SDK1: variants seen among roughly 807,000 people sequenced by gnomAD.
The protein encoded by SDK1 is sidekick cell adhesion molecule 1.
SDK1 carries 157 observed loss-of-function variants against 245.5 expected under a neutral mutation model. The ratio of observed to expected loss-of-function variants is 0.64; its 90% CI spans 0.56 to 0.73. The LOEUF (loss-of-function observed/expected upper bound fraction) is 0.73, where lower values mean the gene tolerates loss of function less well. Ranked by LOEUF, SDK1 falls within the 30% of genes least tolerant of loss-of-function variation. SDK1 has a pLI of 0.00. For missense variants in SDK1, 3,583 were observed against 3,002.3 expected (o/e 1.19, Z -4.52); for synonymous variants, 1,647 against 1,278.5 (o/e 1.29, Z -6.15).
At chr7:4,216,847 C>T (rs1415283218) in intron 38 of SDK1, among the ~76,000 whole-genome samples, 1 of 152,202 alleles carries the variant, frequency 6.6e-6, no homozygotes. Context: ...AGTCACTCCA[C>T]TGTGAACACA....
chr7:3,336,803 GCTGAACT>G (rs1562422647), intron 1 of SDK1, among the ~76,000 whole-genome samples: 1 of 152,176 alleles, frequency 6.6e-6, no homozygotes, highest in Non-Finnish European at 1.5e-5. Flanking sequence ...GTGTCAGTGA[GCTGAACT>G]CTCACCCCAT....
chr7:4,136,742 C>A (rs537088966), intron 28 of SDK1, among the ~76,000 whole-genome samples: 2 of 152,220 alleles, frequency 1.3e-5, no homozygotes, highest in South Asian at 2.1e-4. Flanking sequence ...GCCAGACACG[C>A]GGGATCCCGC....
At chr7:4,005,434 G>C (rs1243211987) in intron 14 of SDK1, among the ~76,000 whole-genome samples, 1 of 144,262 alleles carries the variant, frequency 6.9e-6, no homozygotes, top group Non-Finnish European at 1.5e-5. Context: ...GTGTGTGTGT[G>C]TGTTAATACT....
At chr7:3,380,026 A>G (rs1781446965) in intron 1 of SDK1, among the ~76,000 whole-genome samples, 1 of 152,244 alleles carries the variant, frequency 6.6e-6, no homozygotes, top group Admixed American at 6.5e-5. Context: ...GAAGCAATAT[A>G]CCAATACCAA....
rs200897716 is a variant in SDK1 at position 3,726,050 on chromosome 7, A to C, written c.713+83945A>C. 1.7e-4 allele frequency among the ~76,000 whole-genome samples: 26 copies of C among 152,360 alleles called. No homozygotes were observed. The East Asian group carries it at 2.7e-3, about 16-fold the overall frequency. ...TGATTTGCTAAGTGTGCTTGAAGCAATATCACCTTACATCTGCCTAATGTT... is the reference window on the plus strand; with the variant it reads ...TGATTTGCTAAGTGTGCTTGAAGCACTATCACCTTACATCTGCCTAATGTT... On this transcript the variant is annotated intron_variant, in intron 4 of 44. Transcript: ENST00000404826.
intron 1 of SDK1, among the ~76,000 whole-genome samples, chr7:3,403,025 C>T (rs914721774): frequency 9.2e-5 from 14 of 152,100 alleles, no homozygotes; most frequent in African/African-American, 3.4e-4. Context: ...ACCTCTGCCT[C>T]CCGGGTTCAA....
intron 1 of SDK1, among the ~76,000 whole-genome samples, chr7:3,365,817 G>A (rs1562443039): frequency 3.3e-5 from 5 of 151,836 alleles, no homozygotes. Context: ...TGTATCACCT[G>A]AGGTCAGTCA....
At chr7:3,952,295 C>T (rs142249552) in intron 7 of SDK1, among the ~76,000 whole-genome samples, 14 of 152,278 alleles carry the variant, frequency 9.2e-5, no homozygotes, top group African/African-American at 2.6e-4. Flanking sequence ...TCTATTATTG[C>T]TGTCCAGGCA....
chr7:3,396,647 A>G (rs545621829), intron 1 of SDK1, among the ~76,000 whole-genome samples: 1 of 151,648 alleles, frequency 6.6e-6, no homozygotes, highest in African/African-American at 2.4e-5. Flanking sequence ...CTTTAAATTC[A>G]TTTTGTCTGA....
In SDK1 at chr7:3,913,435, A is replaced by T. The variant is rs544844958; in HGVS notation, c.848-37488A>T. 2.6e-5 allele frequency among the ~76,000 whole-genome samples: 4 copies of T among 151,902 alleles called. No homozygotes were observed. In the South Asian group the frequency reaches 8.3e-4, roughly 32 times the overall value. On this transcript the variant is annotated intron_variant, in intron 5 of 44. Transcript: ENST00000404826. ...CAGCCGCTCGAGTAGCTGGGACTAC[A>T]GGCGCTCGCCACAACGCCCAGCTAA...
intron 1 of SDK1, among the ~76,000 whole-genome samples, chr7:3,469,192 G>T (rs1356342897): frequency 6.6e-6 from 1 of 152,170 alleles, no homozygotes; most frequent in Non-Finnish European, 1.5e-5. Flanking sequence ...GGAGGCCAAG[G>T]TGGGAGAATT....
chr7:3,649,509 T>C (rs186608997), intron 4 of SDK1, among the ~76,000 whole-genome samples: 4 of 152,132 alleles, frequency 2.6e-5, no homozygotes, highest in Admixed American at 1.3e-4. Context: ...AATGACATCA[T>C]TGAATATGAA....
At chr7:3,536,643 G>A (rs2128619365) in intron 1 of SDK1, among the ~76,000 whole-genome samples, 1 of 151,984 alleles carries the variant, frequency 6.6e-6, no homozygotes, top group Non-Finnish European at 1.5e-5. Context: ...GCAGTAAGCT[G>A]AGATTGTGCC....
chr7:3,848,350 A>G (rs927465782), intron 5 of SDK1, among the ~76,000 whole-genome samples: 4 of 152,190 alleles, frequency 2.6e-5, no homozygotes, highest in African/African-American at 4.8e-5. Flanking sequence ...CTCTCCAAGC[A>G]TCTTCAGCAC....
intron 1 of SDK1, among the ~76,000 whole-genome samples, chr7:3,418,804 T>TTA (rs922088194): frequency 6.6e-6 from 1 of 152,148 alleles, no homozygotes; most frequent in Non-Finnish European, 1.5e-5. Flanking sequence ...TCTCAGCACT[T>TTA]TATATATACA....
At chr7:3,357,662 C>T (rs767999566) in intron 1 of SDK1, among the ~76,000 whole-genome samples, 1 of 151,908 alleles carries the variant, frequency 6.6e-6, no homozygotes, top group East Asian at 1.9e-4. Flanking sequence ...CCCTTCCTCA[C>T]CAGTCTTGAG....
At chr7:3,469,198 G>T (rs1021541732) in intron 1 of SDK1, among the ~76,000 whole-genome samples, 1 of 152,174 alleles carries the variant, frequency 6.6e-6, no homozygotes, top group African/African-American at 2.4e-5. Flanking sequence ...CAAGGTGGGA[G>T]AATTGCTTCA....
At chr7:3,356,858 C>G (rs956778543) in intron 1 of SDK1, among the ~76,000 whole-genome samples, 2 of 151,888 alleles carry the variant, frequency 1.3e-5, no homozygotes, top group African/African-American at 4.8e-5. Context: ...GAGTTCAAGA[C>G]CAGCCTGACC....
At chr7:3,644,918 A>G (rs1782780623) in intron 4 of SDK1, among the ~76,000 whole-genome samples, 1 of 151,388 alleles carries the variant, frequency 6.6e-6, no homozygotes, top group South Asian at 2.1e-4. Flanking sequence ...GTTGGGGGAG[A>G]ATTGGTACCA....
Sources: allele counts gnomAD v4.1 joint callset (sites outside exome capture counted in the v4.1 genomes callset), GRCh38; gene constraint gnomAD v4.1.1; transcripts MANE v1.5; gene names NCBI Gene and HGNC (gene_info 2026-07-23, HGNC 2026-07-21).